LIFR: variants seen among roughly 807,000 people sequenced by gnomAD.
LIFR encodes the protein leukemia inhibitory factor receptor.
In LIFR, 84 loss-of-function variants were observed where a neutral mutation model predicts 122.2. The observed-to-expected ratio is 0.69, with a 90% CI of 0.58 to 0.82. LIFR has a LOEUF of 0.82. Ranked by LOEUF, LIFR falls within the 40% of genes least tolerant of loss-of-function variation. LIFR has a pLI of 0.00. For synonymous variants in LIFR, 422 were observed against 434.7 expected (o/e 0.97, Z 0.36); for missense variants, 1,294 against 1,311.6 (o/e 0.99, Z 0.21).
chr5:38,549,422 A>G (rs1247027199), intron 1 of LIFR, among the ~76,000 whole-genome samples: 1 of 152,156 alleles, frequency 6.6e-6, no homozygotes, highest in Admixed American at 6.5e-5. Flanking sequence ...ATTCTATCAC[A>G]TGTATGCACC....
intron 1 of LIFR, among the ~76,000 whole-genome samples, chr5:38,568,457 A>G (rs1355231946): frequency 6.6e-6 from 1 of 152,168 alleles, no homozygotes; most frequent in Non-Finnish European, 1.5e-5. Context: ...TTGGAGAGGT[A>G]TCTGGGGGGC....
chr5:38,586,916 G>T (rs1749768887), intron 1 of LIFR, among the ~76,000 whole-genome samples: 1 of 152,082 alleles, frequency 6.6e-6, no homozygotes, highest in South Asian at 2.1e-4. Flanking sequence ...GTCCACCAAA[G>T]AATTTAGAAA....
At chr5:38,495,132 T>G (rs1744811976) in intron 13 of LIFR, among the ~76,000 whole-genome samples, 1 of 152,114 alleles carries the variant, frequency 6.6e-6, no homozygotes, top group African/African-American at 2.4e-5. Context: ...CCTCAAGGAA[T>G]GAGGATTTGT....
intron 1 of LIFR, among the ~76,000 whole-genome samples, chr5:38,606,709 T>C (rs1171492460): frequency 1.3e-5 from 2 of 152,228 alleles, no homozygotes; most frequent in African/African-American, 2.4e-5. Flanking sequence ...TGCTGCACAG[T>C]TGCATATTAG....
chr5:38,506,893 TCA>T (rs1745517135), intron 7 of LIFR, among the ~76,000 whole-genome samples: 1 of 152,206 alleles, frequency 6.6e-6, no homozygotes, highest in Non-Finnish European at 1.5e-5. Flanking sequence ...ACTTGAAATA[TCA>T]GTTGTCACTT....
At position 38,502,143 on chromosome 5, in the gene LIFR, T is replaced by C. The variant is rs183440449; in HGVS notation, c.1600+494A>G. 3.2e-3 allele frequency among the ~76,000 whole-genome samples: 485 copies of C among 152,300 alleles called. 3 individuals carry two copies. Among genetic ancestry groups the C allele is most frequent in the Non-Finnish European group, 5.1e-3 (344 of 68,024 alleles). ...TTCTCATAATTTATGCCAATCATTT[T>C]TCTATACTATGACAAAACTTCAAAA... is the stretch of plus-strand genomic sequence containing the variant. On this transcript the variant is annotated intron_variant, in intron 11 of 19. Transcript: ENST00000453190.
At chr5:38,577,320 G>A (rs1580218828) in intron 1 of LIFR, among the ~76,000 whole-genome samples, 1 of 152,148 alleles carries the variant, frequency 6.6e-6, no homozygotes, top group South Asian at 2.1e-4. Flanking sequence ...GATTTCAGCT[G>A]ACTGACACCT....
In LIFR at chr5:38,485,547, A is replaced by G. The variant is rs537524027; in HGVS notation, c.2497+272T>C. The G allele has an allele frequency of 5.3e-5, 26 of 491,224 alleles. 2 individuals carry two copies. The South Asian group carries it at 6.3e-4, about 12-fold the overall frequency. The allele number at this position is 491,224 out of a possible 1,614,324, so 30.4% of individuals were successfully genotyped here. A position where few individuals can be genotyped will look rare whatever the true frequency, so the allele number is the denominator to read the frequency against. On this transcript the variant is annotated intron_variant, in intron 17 of 19. Coordinates refer to ENST00000453190, the MANE Select transcript of LIFR (RefSeq NM_001127671.2). Reference sequence around the variant, plus strand: ...ATTTTTAAATGTTGACCGTTAGATAAATTCAATATGACTTTAGACCTCTAG... The same window carrying G: ...ATTTTTAAATGTTGACCGTTAGATAGATTCAATATGACTTTAGACCTCTAG...
rs1284735761 is a variant in LIFR at position 38,485,945 on chromosome 5, T to C, written c.2371A>G (p.Ile791Val). 1 of 1,613,926 alleles carries C rather than the reference T, an allele frequency of 6.2e-7. No homozygotes were observed. The highest frequency in any genetic ancestry group is 8.5e-7 in the Non-Finnish European group (1 of 1,179,740). ...SDIKVKNITD[I>V]SQKTLRIADL... is the part of the protein sequence containing the mutation. Reference sequence around the variant, plus strand: ...GCAATTCTCAGTGTCTTCTGGGATATGTCAGTAATATTCTTAACTTTTATG... The same window carrying C: ...GCAATTCTCAGTGTCTTCTGGGATACGTCAGTAATATTCTTAACTTTTATG... Residue 791 changes from isoleucine to valine, a missense_variant, in exon 17 of 20, where the codon ATA (isoleucine) becomes GTA (valine). Coordinates refer to ENST00000453190, the MANE Select transcript of LIFR (RefSeq NM_001127671.2).
intron 1 of LIFR, among the ~76,000 whole-genome samples, chr5:38,582,698 G>A (rs868840769): frequency 1.3e-5 from 2 of 152,104 alleles, no homozygotes; most frequent in Admixed American, 6.5e-5. Context: ...AAATTGCTAG[G>A]TTTTCAGTGT....
intron 1 of LIFR, among the ~76,000 whole-genome samples, chr5:38,543,896 G>T (rs532070307): frequency 4.0e-5 from 6 of 151,880 alleles, no homozygotes; most frequent in Non-Finnish European, 8.8e-5. Flanking sequence ...AGTCTCATAG[G>T]TGTCTTGAAC....
At chr5:38,584,820 G>T (rs1036805964) in intron 1 of LIFR, among the ~76,000 whole-genome samples, 2 of 152,088 alleles carry the variant, frequency 1.3e-5, no homozygotes, top group East Asian at 1.9e-4. Flanking sequence ...AAATTGTATT[G>T]CATTAGGGAT....
chr5:38,565,850 C>T (rs1474088430), intron 1 of LIFR, among the ~76,000 whole-genome samples: 4 of 152,162 alleles, frequency 2.6e-5, no homozygotes, highest in African/African-American at 9.7e-5. Context: ...TCCCAAAGTG[C>T]TGGGATTACA....
intron 16 of LIFR, among the ~76,000 whole-genome samples, chr5:38,488,572 C>G (rs758170984): frequency 2.0e-5 from 3 of 152,204 alleles, no homozygotes; most frequent in Non-Finnish European, 4.4e-5. Flanking sequence ...TTGCCGATTT[C>G]CAAGGATTGT....
intron 1 of LIFR, among the ~76,000 whole-genome samples, chr5:38,549,252 TACACACACACACAC>T (rs58706799): frequency 6.8e-5 from 10 of 147,906 alleles, no homozygotes; most frequent in Admixed American, 1.3e-4. Flanking sequence ...TAGAAAATTG[TACACACACACACAC>T]ACACACACAC....
At chr5:38,526,735 T>A (rs1746708467) in intron 4 of LIFR, among the ~76,000 whole-genome samples, 1 of 152,220 alleles carries the variant, frequency 6.6e-6, no homozygotes, top group African/African-American at 2.4e-5. Flanking sequence ...TTTATAATGC[T>A]ACCAATACAT....
chr5:38,487,278 G>C (rs6884700), intron 16 of LIFR, among the ~76,000 whole-genome samples: 2 of 152,288 alleles, frequency 1.3e-5, no homozygotes, highest in South Asian at 2.1e-4. Context: ...TTGCAGCCTC[G>C]CATGTACAAA....
At chr5:38,542,247 G>A (rs983710796) in intron 1 of LIFR, among the ~76,000 whole-genome samples, 1 of 152,156 alleles carries the variant, frequency 6.6e-6, no homozygotes, top group African/African-American at 2.4e-5. Context: ...ACACTTGAAC[G>A]TTTAGCAACT....
At chr5:38,514,170 T>C (rs940542774) in intron 5 of LIFR, among the ~76,000 whole-genome samples, 1 of 151,342 alleles carries the variant, frequency 6.6e-6, no homozygotes, top group Non-Finnish European at 1.5e-5. Context: ...ATAAAAACAA[T>C]TAGAGGATTG....
Sources: allele counts gnomAD v4.1 joint callset (sites outside exome capture counted in the v4.1 genomes callset), GRCh38; gene constraint gnomAD v4.1.1; transcripts MANE v1.5; gene names NCBI Gene and HGNC (gene_info 2026-07-23, HGNC 2026-07-21).